CD1D: variants seen among roughly 807,000 people sequenced by gnomAD.
CD1D encodes antigen-presenting glycoprotein CD1d.
Under a neutral mutation model 42.1 loss-of-function variants are expected in CD1D, and 40 were observed. That is an observed-to-expected ratio of 0.95 (90% CI 0.74 to 1.24). The LOEUF is 1.24. CD1D is among the 50% of genes most tolerant of loss of function. The probability of loss-of-function intolerance (pLI) is 0.00; values close to 1 mark genes in which losing one functional copy is unlikely to be tolerated. For synonymous variants in CD1D, 178 were observed against 171.8 expected (o/e 1.04, Z -0.28); for missense variants, 437 against 416.5 (o/e 1.05, Z -0.43).
At chr1:158,183,909 G>T in intron 4 of CD1D, 27 bp from the exon 5 acceptor site, 1 of 1,580,282 alleles carries the variant, frequency 6.3e-7, no homozygotes, top group Non-Finnish European at 8.7e-7. Context: ...CCTGTGCTGA[G>T]AGACAGCCTA....
intron 3 of CD1D, 26 bp downstream of exon 3, chr1:158,182,336 C>G: frequency 6.2e-7 from 1 of 1,612,526 alleles, no homozygotes; most frequent in Non-Finnish European, 8.5e-7. Context: ...TTACTCCCTG[C>G]ATTCCACTTC....
chr1:158,181,771 C>T, intron 2 of CD1D, 50 bp downstream of exon 2: 1 of 1,591,622 alleles, frequency 6.3e-7, no homozygotes, highest in Non-Finnish European at 8.5e-7. Flanking sequence ...GAGAGAATGG[C>T]CACAGAAACT....
Position 158,182,974 on chromosome 1 carries a change from GGGT to G in CD1D, c.706_708del (p.Val236del), listed in dbSNP as rs1558044945. The G allele has an allele frequency of 6.2e-7, 1 of 1,614,196 alleles. No individual in the cohort carries two copies. Among genetic ancestry groups the G allele is most frequent in the East Asian group, 2.2e-5 (1 of 44,884 alleles). On this transcript the variant is annotated inframe_deletion, in exon 4 of 6. Transcript: ENST00000674085. ...TCAGGATTCTACCCAAAGCCTGTAT[GGGT>G]GAAGTGGATGCGGGGTGAGCAGGAG...
In CD1D at chr1:158,181,051, G is replaced by C; in HGVS notation, c.-51G>C. On this transcript the variant is annotated 5_prime_UTR_variant, in exon 1 of 6. Coordinates refer to ENST00000674085, the MANE Select transcript of CD1D (RefSeq NM_001371762.2). ...AGCGGCGGGGGAGAAGAGTGCGCAGGTCAGAGGGCGGCGCGCAGCGGCGCT... is the reference window on the plus strand; with the variant it reads ...AGCGGCGGGGGAGAAGAGTGCGCAGCTCAGAGGGCGGCGCGCAGCGGCGCT... 2.7e-6 allele frequency: 4 copies of C among 1,493,696 alleles called. No homozygotes were observed. Among genetic ancestry groups the C allele is most frequent in the Non-Finnish European group, 3.6e-6 (4 of 1,111,750 alleles). 92.5% of individuals were successfully genotyped at this position (1,493,696 alleles called of 1,614,324 possible).
In CD1D at chr1:158,184,741, G is replaced by T. The variant is rs1432885871; in HGVS notation, c.*591G>T. ...TGTCTTTTATAAAAAGTTTGCCCTG[G>T]ATGTCATATTGGCAGTTGGAGGACA... On this transcript the variant is annotated 3_prime_UTR_variant, in exon 6 of 6. Coordinates refer to ENST00000674085, the MANE Select transcript of CD1D (RefSeq NM_001371762.2). The T allele has an allele frequency of 1.3e-5, 2 of 152,280 alleles. No homozygotes were observed. Among genetic ancestry groups the T allele is most frequent in the African/African-American group, 2.4e-5 (1 of 41,420 alleles). 9.4% of individuals were successfully genotyped at this position (152,280 alleles called of 1,614,324 possible).
In CD1D at chr1:158,182,166, GC is replaced by G. The variant is rs1648468058; in HGVS notation, c.467del (p.Pro156HisfsTer4). 1 of 1,614,148 alleles carries G rather than the reference GC, an allele frequency of 6.2e-7. No homozygotes were observed. Among genetic ancestry groups the G allele is most frequent in the South Asian group, 1.1e-5 (1 of 91,080 alleles). On this transcript the variant is annotated frameshift_variant, in exon 3 of 6. Coordinates refer to ENST00000674085, the MANE Select transcript of CD1D (RefSeq NM_001371762.2). LOFTEE classifies it high-confidence loss of function. ...AACTTCTTGGGAGCCAACCCAAGAG[GC>G]CCCACTTTGGGTAAACTTGGCCATT... ...QGTSWEPTQE[A>X]PLWVNLAIQV...
At position 158,181,557 on chromosome 1, in the gene CD1D, C is replaced by T. The variant is rs150540703; in HGVS notation, c.164C>T (p.Thr55Met). 388 of 1,614,166 alleles carry T rather than the reference C, an allele frequency of 2.4e-4. 2 individuals are homozygous for T. The highest frequency in any genetic ancestry group is 1.6e-3 in the Middle Eastern group (10 of 6,062). ...TTGGCGTGGCTGGGGGAGCTGCAGA[C>T]GCACAGCTGGAGCAACGACTCGGAC... ...DGLAWLGELQTHSWSNDSDTV... is the reference protein window; with the variant it reads ...DGLAWLGELQMHSWSNDSDTV... Residue 55 changes from threonine to methionine, a missense_variant, in exon 2 of 6, where the codon ACG (threonine) becomes ATG (methionine). Physicochemically the swap from Thr to Met is moderately conservative, Grantham distance 81. Transcript: ENST00000674085.
At chr1:158,181,264 G>A (rs1266163029) in intron 1 of CD1D, 102 bp downstream of exon 1, 6 of 1,442,250 alleles carry the variant, frequency 4.2e-6, no homozygotes, top group Non-Finnish European at 5.7e-6. Context: ...GGTGAGACCC[G>A]GGACGCACTG....
rs147520380 is a variant in CD1D at position 158,180,945 on chromosome 1, C to T, written c.-157C>T. The stretch of plus-strand genomic sequence containing the variant: ...GCGCCCTTCGGCAGAAGCAGCAAAC[C>T]GCCGGCAAGCCCAGCGAGGAGGGCT... On this transcript the variant is annotated 5_prime_UTR_variant, in exon 1 of 6. Coordinates refer to ENST00000674085, the MANE Select transcript of CD1D (RefSeq NM_001371762.2). 3.0e-5 allele frequency: 18 copies of T among 603,498 alleles called. No homozygotes were observed. The East Asian group carries it at 5.2e-4, about 18-fold the overall frequency. 37.4% of individuals were successfully genotyped at this position (603,498 alleles called of 1,614,324 possible).
At position 158,182,807 on chromosome 1, in the gene CD1D, G is replaced by A. The variant is rs1256998596; in HGVS notation, c.608-71G>A. The A allele has an allele frequency of 9.4e-6, 14 of 1,483,482 alleles. No individual in the cohort carries two copies. In the Admixed American group the frequency reaches 1.5e-4, roughly 16 times the overall value. The allele number at this position is 1,483,482 out of a possible 1,614,324, so 91.9% of individuals were successfully genotyped here. ...TAAAGACCTGAAAGTCAAAAAGGATGATATGAGGCCTGGAGCCTCTAATGC... is the reference window on the plus strand; with the variant it reads ...TAAAGACCTGAAAGTCAAAAAGGATAATATGAGGCCTGGAGCCTCTAATGC... On this transcript the variant is annotated intron_variant, in intron 3 of 5. Transcript: ENST00000674085.
rs903723931 is a variant in CD1D at position 158,185,549 on chromosome 1, C to T, written c.*1399C>T. The stretch of plus-strand genomic sequence containing the variant: ...ACAAAAAATTAAAAAACTAGCCACC[C>T]ATGGTGGTGAGCGCCTGTAGTCCTA... On this transcript the variant is annotated 3_prime_UTR_variant, in exon 6 of 6. Transcript: ENST00000674085. Among the ~76,000 whole-genome samples, 1 of 152,034 alleles carries T rather than the reference C, an allele frequency of 6.6e-6. No homozygotes were observed. The highest frequency in any genetic ancestry group is 1.5e-5 in the Non-Finnish European group (1 of 68,000).
intron 4 of CD1D, 84 bp downstream of exon 4, chr1:158,183,240 G>C: frequency 1.3e-6 from 2 of 1,491,812 alleles, no homozygotes; most frequent in Non-Finnish European, 9.0e-7. Flanking sequence ...GATGTGGCTT[G>C]ATATACCCAG....
At position 158,184,153 on chromosome 1, in the gene CD1D, C is replaced by T. The variant is rs859015; in HGVS notation, c.*3C>T. 13,552 of 1,614,034 alleles carry T rather than the reference C, an allele frequency of 8.4e-3. 130 individuals are homozygous for T. Among genetic ancestry groups the T allele is most frequent in the South Asian group, 0.03 (2,770 of 91,070 alleles). The stretch of plus-strand genomic sequence containing the variant: ...GTTCCTATCAGGGCGTCCTGTGACT[C>T]GCCTTGCCACATCTGTGTCTCTGGA... On this transcript the variant is annotated 3_prime_UTR_variant, in exon 6 of 6. Transcript: ENST00000674085.
Position 158,185,914 on chromosome 1 carries a change from A to G in CD1D, c.*1764A>G, listed in dbSNP as rs559539404. On this transcript the variant is annotated 3_prime_UTR_variant, in exon 6 of 6. Transcript: ENST00000674085. ...GAACCACTGTTCTTAGACATTGTGC[A>G]ATGTTATACAACAACTTCCTCAAAG... Among the ~76,000 whole-genome samples, 1 of 152,334 alleles carries G rather than the reference A, an allele frequency of 6.6e-6. No homozygotes were observed. Among genetic ancestry groups the G allele is most frequent in the East Asian group, 1.9e-4 (1 of 5,186 alleles).
upstream of CD1D, chr1:158,179,905 G>T (rs1275862106): frequency 6.6e-6 from 1 of 152,216 alleles, no homozygotes; most frequent in East Asian, 1.9e-4. Context: ...TAGACACCAG[G>T]GCTAGAGGGC....
Position 158,181,513 on chromosome 1 carries a change from C to CT in CD1D, c.121dup (p.Trp41LeufsTer81), listed in dbSNP as rs569208838. On this transcript the variant is annotated frameshift_variant, in exon 2 of 6. Coordinates refer to ENST00000674085, the MANE Select transcript of CD1D (RefSeq NM_001371762.2). LOFTEE classifies it high-confidence loss of function. ...AGATCTCGTCCTTCGCCAATAGCAG[C>CT]TGGACGCGCACCGACGGCTTGGCGT... 435 of 1,614,164 alleles carry CT rather than the reference C, an allele frequency of 2.7e-4. 6 individuals carry two copies. The East Asian group carries it at 8.2e-3, about 30-fold the overall frequency.
chr1:158,183,613 A>G (rs1005137200), intron 4 of CD1D, among the ~76,000 whole-genome samples: 1 of 152,206 alleles, frequency 6.6e-6, no homozygotes, highest in African/African-American at 2.4e-5. Context: ...ATAGATGAGG[A>G]AATGAAGGCG....
chr1:158,181,632 A>G lies in CD1D; in HGVS notation c.239A>G (p.Gln80Arg), dbSNP rs1355355544. Residue 80 changes from glutamine to arginine, a missense_variant, in exon 2 of 6, where the codon CAG becomes CGG. Coordinates refer to ENST00000674085, the MANE Select transcript of CD1D (RefSeq NM_001371762.2). ...TCCCAGGGCACGTTCAGCGACCAGC[A>G]GTGGGAGACGCTGCAGCATATATTT... Reference protein sequence around the residue: ...PWSQGTFSDQQWETLQHIFRV... With the variant: ...PWSQGTFSDQRWETLQHIFRV... 1.9e-6 allele frequency: 3 copies of G among 1,614,116 alleles called. 1 individual carries two copies. Among genetic ancestry groups the G allele is most frequent in the South Asian group, 2.2e-5 (2 of 91,080 alleles).
intron 2 of CD1D, 29 bp downstream of exon 2, chr1:158,181,750 G>T (rs551474881): frequency 2.5e-6 from 4 of 1,601,296 alleles, no homozygotes. Flanking sequence ...TCCTGGGCCG[G>T]TACCCAAGGG....
Sources: allele counts gnomAD v4.1 joint callset (sites outside exome capture counted in the v4.1 genomes callset), GRCh38; gene constraint gnomAD v4.1.1; transcripts MANE v1.5; gene names NCBI Gene and HGNC (gene_info 2026-07-23, HGNC 2026-07-21).